FBXL17: variants seen among roughly 807,000 people sequenced by gnomAD.
FBXL17 encodes the protein F-box and leucine rich repeat protein 17, also known as F-box/LRR-repeat protein 17.
In FBXL17, 22 loss-of-function variants were observed where a neutral mutation model predicts 66.2. The ratio of observed to expected loss-of-function variants is 0.33; its 90% CI spans 0.24 to 0.47. FBXL17 has a LOEUF of 0.47. Among genes scored for constraint, FBXL17 ranks in the 20% least tolerant of loss-of-function variants. The pLI is 1.00. For synonymous variants in FBXL17, 474 were observed against 400.5 expected (o/e 1.18, Z -2.19); for missense variants, 878 against 948.2 (o/e 0.93, Z 0.97).
At chr5:108,377,372 G>C (rs958818777) in intron 1 of FBXL17, among the ~76,000 whole-genome samples, 2 of 152,296 alleles carry the variant, frequency 1.3e-5, no homozygotes, top group South Asian at 2.1e-4. Context: ...CCTTAAACTA[G>C]CAAATACATG....
chr5:108,048,057 G>A (rs923691838), intron 6 of FBXL17, among the ~76,000 whole-genome samples: 3 of 152,218 alleles, frequency 2.0e-5, no homozygotes, highest in East Asian at 1.9e-4. Context: ...TCATGTTGGT[G>A]TCCCTCAAGG....
intron 4 of FBXL17, among the ~76,000 whole-genome samples, chr5:108,316,969 TC>T (rs1471534374): frequency 6.6e-6 from 1 of 151,308 alleles, no homozygotes; most frequent in Admixed American, 6.6e-5. Context: ...TGTGTATTTA[TC>T]AATCTGTATA....
chr5:107,941,914 G>A (rs72795976), intron 7 of FBXL17, among the ~76,000 whole-genome samples: 4,340 of 152,210 alleles, frequency 0.029, 80 homozygotes, highest in Non-Finnish European at 0.038. Flanking sequence ...CGTGACCGTC[G>A]TGGCTGAAAG....
At chr5:108,025,731 A>G (rs66470416) in intron 6 of FBXL17, among the ~76,000 whole-genome samples, 50,025 of 117,186 alleles carry the variant, frequency 0.43, 9,173 homozygotes, top group South Asian at 0.6. Context: ...GCGCGCGCAC[A>G]CACACACACA....
intron 4 of FBXL17, among the ~76,000 whole-genome samples, chr5:108,317,318 T>C (rs752889153): frequency 2.1e-4 from 32 of 150,662 alleles, no homozygotes; most frequent in Non-Finnish European, 3.4e-4. Context: ...TTACTGAGTT[T>C]TGTTTTTTGT....
At position 108,380,970 on chromosome 5, in the gene FBXL17, C is replaced by G; in HGVS notation, c.722G>C (p.Arg241Pro). Residue 241 changes from arginine to proline, a missense_variant, in exon 1 of 9, where the codon CGG becomes CCG. By Grantham distance (103) the Arg-to-Pro change is moderately radical. Coordinates refer to ENST00000542267, the MANE Select transcript of FBXL17 (RefSeq NM_001163315.3). ...CTGGCAGCAGCCGGCGTCGGGGGGC[C>G]GGGGCGGCGAAGCGCCTCCCCCCGC... Reference protein sequence around the residue: ...GPAGGGASPPRPPDAGCCQAP... With the variant: ...GPAGGGASPPPPPDAGCCQAP... The G allele has an allele frequency of 3.3e-6, 4 of 1,218,674 alleles. No homozygotes were observed. Among genetic ancestry groups the G allele is most frequent in the Non-Finnish European group, 4.1e-6 (4 of 978,952 alleles). 75.5% of individuals were successfully genotyped at this position (1,218,674 alleles called of 1,614,324 possible).
chr5:108,177,228 C>T (rs916393609), intron 6 of FBXL17, among the ~76,000 whole-genome samples: 1 of 152,030 alleles, frequency 6.6e-6, no homozygotes, highest in Non-Finnish European at 1.5e-5. Flanking sequence ...ATGTGTAGTA[C>T]AAAACACAAA....
At chr5:108,349,358 G>T (rs1046140312) in intron 3 of FBXL17, among the ~76,000 whole-genome samples, 1 of 151,952 alleles carries the variant, frequency 6.6e-6, no homozygotes. Context: ...TCTGATTAGC[G>T]CATGAGTGAG....
chr5:107,869,212 C>T (rs1748374321), intron 8 of FBXL17, among the ~76,000 whole-genome samples: 1 of 152,156 alleles, frequency 6.6e-6, no homozygotes, highest in Non-Finnish European at 1.5e-5. Context: ...TCCTGGTGGC[C>T]CAGAGGCAGA....
intron 6 of FBXL17, among the ~76,000 whole-genome samples, chr5:108,060,880 A>T (rs1047823557): frequency 6.6e-6 from 1 of 152,002 alleles, no homozygotes; most frequent in Non-Finnish European, 1.5e-5. Flanking sequence ...CATTCCTTTG[A>T]TTTTCTACAT....
intron 6 of FBXL17, among the ~76,000 whole-genome samples, chr5:108,048,034 G>A (rs530811027): frequency 5.9e-5 from 9 of 152,304 alleles, no homozygotes; most frequent in African/African-American, 1.4e-4. Context: ...AGAAAAGAGC[G>A]ATCCTACTCG....
At chr5:107,955,851 T>C (rs1257050130) in intron 7 of FBXL17, among the ~76,000 whole-genome samples, 5 of 152,144 alleles carry the variant, frequency 3.3e-5, no homozygotes, top group Admixed American at 3.3e-4. Context: ...TGGCTAAAAG[T>C]GTCAAGAGAA....
intron 5 of FBXL17, among the ~76,000 whole-genome samples, chr5:108,220,955 CA>C (rs1048321890): frequency 1.3e-5 from 2 of 152,162 alleles, no homozygotes; most frequent in African/African-American, 4.8e-5. Flanking sequence ...ATGTAGACCT[CA>C]AAAATTCTTA....
At chr5:108,150,328 C>T (rs1751721235) in intron 6 of FBXL17, among the ~76,000 whole-genome samples, 1 of 152,110 alleles carries the variant, frequency 6.6e-6, no homozygotes, top group Non-Finnish European at 1.5e-5. Flanking sequence ...CTCAGCCACC[C>T]CAGTAGCTAG....
intron 4 of FBXL17, among the ~76,000 whole-genome samples, chr5:108,313,900 A>C (rs1759237093): frequency 6.6e-6 from 1 of 151,930 alleles, no homozygotes; most frequent in South Asian, 2.1e-4. Context: ...ACCTGATAAA[A>C]CAAATCTAAA....
chr5:108,255,513 A>T (rs1756538078), intron 4 of FBXL17, among the ~76,000 whole-genome samples: 1 of 152,136 alleles, frequency 6.6e-6, no homozygotes, highest in South Asian at 2.1e-4. Flanking sequence ...CTGATTTTTA[A>T]TTCATCATCA....
chr5:108,232,773 A>ATAT (rs1755402322), intron 4 of FBXL17, among the ~76,000 whole-genome samples: 2 of 111,548 alleles, frequency 1.8e-5, no homozygotes, highest in Non-Finnish European at 3.5e-5. Context: ...AATACTGAAT[A>ATAT]AGCTCTCACA....
intron 7 of FBXL17, among the ~76,000 whole-genome samples, chr5:107,966,828 C>T (rs917972390): frequency 6.6e-6 from 1 of 152,112 alleles, no homozygotes. Context: ...CTTCCATCTG[C>T]TTTCCTGTTT....
intron 4 of FBXL17, among the ~76,000 whole-genome samples, chr5:108,235,357 A>G (rs562963571): frequency 6.6e-6 from 1 of 152,312 alleles, no homozygotes; most frequent in South Asian, 2.1e-4. Context: ...ATCTCGTAAC[A>G]ATGGCTAACT....
Sources: gnomAD v4.1 joint callset for allele counts (sites outside exome capture counted in the v4.1 genomes callset) on GRCh38, gnomAD v4.1.1 for gene constraint, MANE v1.5 for transcripts, NCBI Gene and HGNC (gene_info 2026-07-23, HGNC 2026-07-21) for gene names.